Variants in PDE1A observed in about 807,000 individuals in gnomAD.
The protein encoded by PDE1A is dual specificity calcium/calmodulin-dependent 3',5'-cyclic nucleotide phosphodiesterase 1A.
Under a neutral mutation model 61.7 loss-of-function variants are expected in PDE1A, and 35 were observed. That is an observed-to-expected ratio of 0.57 (90% CI 0.43 to 0.75). The LOEUF is 0.75. Among genes scored for constraint, PDE1A ranks in the 30% least tolerant of loss-of-function variants. The pLI is 0.00. For missense variants in PDE1A, 597 were observed against 630.6 expected (o/e 0.95, Z 0.57); for synonymous variants, 232 against 213.2 (o/e 1.09, Z -0.77).
chr2:182,526,338 T>C (rs919113352), upstream of PDE1A, among the ~76,000 whole-genome samples: 1 of 152,148 alleles, frequency 6.6e-6, no homozygotes, highest in Non-Finnish European at 1.5e-5. Flanking sequence ...AAATTAGAAT[T>C]GTAAGGACAT....
chr2:182,213,140 C>T (rs1440553984), intron 7 of PDE1A, among the ~76,000 whole-genome samples: 3 of 150,236 alleles, frequency 2.0e-5, no homozygotes, highest in Non-Finnish European at 3.0e-5. Flanking sequence ...CTGGGAGGCA[C>T]CCCCCAGCAG....
intron 1 of PDE1A, among the ~76,000 whole-genome samples, chr2:182,299,851 G>A (rs1695127052): frequency 1.3e-5 from 2 of 152,108 alleles, no homozygotes; most frequent in Admixed American, 6.6e-5. Flanking sequence ...AGTCTGAAGG[G>A]ACCTTGATCA....
At chr2:182,387,179 C>T (rs1195161259) in intron 1 of PDE1A, among the ~76,000 whole-genome samples, 2 of 152,130 alleles carry the variant, frequency 1.3e-5, no homozygotes, top group African/African-American at 4.8e-5. Context: ...GGATTAAGGG[C>T]AGTGCAAGAT....
In PDE1A at chr2:182,406,409, C is replaced by T. The variant is rs527288722; in HGVS notation, c.53+20169G>A. Among the ~76,000 whole-genome samples the T allele has an allele frequency of 2.0e-5, 3 of 151,754 alleles. No individual in the cohort carries two copies. The South Asian group carries it at 6.3e-4, about 32-fold the overall frequency. On this transcript the variant is annotated intron_variant, in intron 1 of 13. Transcript: ENST00000351439. The stretch of plus-strand genomic sequence containing the variant: ...AAATGTAGATTTCCAGTAATACTAG[C>T]AGACCAAGCATGACACATTTTAGGC...
At chr2:182,147,681 A>G (rs1474841629) in intron 13 of PDE1A, among the ~76,000 whole-genome samples, 3 of 152,180 alleles carry the variant, frequency 2.0e-5, no homozygotes, top group African/African-American at 7.2e-5. Context: ...ATCTTTCAAC[A>G]TTTCTGGAGA....
the PDE1A span, among the ~76,000 whole-genome samples, chr2:182,634,972 A>G: frequency 6.6e-6 from 1 of 152,208 alleles, no homozygotes; most frequent in African/African-American, 2.4e-5. Flanking sequence ...CAATTATTAT[A>G]AGTAATGTCA....
intron 2 of PDE1A, among the ~76,000 whole-genome samples, chr2:182,253,968 G>C (rs1214477973): frequency 6.6e-6 from 1 of 151,880 alleles, no homozygotes; most frequent in African/African-American, 2.4e-5. Context: ...TGTTGCCTTG[G>C]ATGTAACTGT....
intron 1 of PDE1A, among the ~76,000 whole-genome samples, chr2:182,367,994 C>T (rs1256655002): frequency 2.0e-5 from 3 of 152,050 alleles, no homozygotes; most frequent in African/African-American, 7.2e-5. Flanking sequence ...ATTTAAAACA[C>T]ACACAAAAGG....
intron 7 of PDE1A, among the ~76,000 whole-genome samples, chr2:182,207,255 G>C (rs570318528): frequency 1.1e-4 from 16 of 152,184 alleles, no homozygotes; most frequent in Admixed American, 2.0e-4. Context: ...GGTTGAGGAC[G>C]TCTTAGGTAG....
At chr2:182,425,277 T>C (rs1454834841) in intron 1 of PDE1A, among the ~76,000 whole-genome samples, 2 of 152,212 alleles carry the variant, frequency 1.3e-5, no homozygotes, top group African/African-American at 4.8e-5. Context: ...TCTGGGCAAC[T>C]ATCATACCTT....
At chr2:182,189,880 T>G (rs758355673) in intron 10 of PDE1A, among the ~76,000 whole-genome samples, 4 of 152,226 alleles carry the variant, frequency 2.6e-5, no homozygotes, top group Non-Finnish European at 4.4e-5. Context: ...TTCCTTGTTC[T>G]TGTTCATTTC....
rs115407167 is a variant in PDE1A, at chr2:182,171,669, G to C, written c.1517-3379C>G. Among the ~76,000 whole-genome samples, 1,310 of 151,538 alleles carry C rather than the reference G, an allele frequency of 8.6e-3. 10 individuals carry two copies. Among genetic ancestry groups the C allele is most frequent in the Non-Finnish European group, 0.011 (745 of 67,832 alleles). On this transcript the variant is annotated intron_variant, in intron 13 of 13. Transcript: ENST00000351439. ...GCACTTGGAGCGGGGCTAATTATTG[G>C]GGGTATATAACAAAGTCTTGAGTCT...
chr2:182,555,932 A>C, the PDE1A span, among the ~76,000 whole-genome samples: 3 of 127,440 alleles, frequency 2.4e-5, no homozygotes, highest in African/African-American at 8.7e-5. Flanking sequence ...TCGCCACTGC[A>C]CTCCAGCCTG....
chr2:182,537,718 A>G, the PDE1A span, among the ~76,000 whole-genome samples: 1 of 152,066 alleles, frequency 6.6e-6, no homozygotes, highest in African/African-American at 2.4e-5. Context: ...AATTTCAAGC[A>G]GAGGGAGCAG....
intron 2 of PDE1A, among the ~76,000 whole-genome samples, chr2:182,506,538 T>C (rs1689422625): frequency 6.6e-6 from 1 of 152,248 alleles, no homozygotes; most frequent in Non-Finnish European, 1.5e-5. Context: ...TTCTTATCAT[T>C]TACTCCTTTG....
chr2:182,638,792 A>C, the PDE1A span, among the ~76,000 whole-genome samples: 1 of 152,226 alleles, frequency 6.6e-6, no homozygotes, highest in Non-Finnish European at 1.5e-5. Flanking sequence ...CTGGTAGGCT[A>C]GGGGCTCGCA....
At chr2:182,647,054 G>T in the PDE1A span, among the ~76,000 whole-genome samples, 1 of 152,176 alleles carries the variant, frequency 6.6e-6, no homozygotes, top group Non-Finnish European at 1.5e-5. Flanking sequence ...TTAAGAATTT[G>T]TTGGGAGTTT....
the PDE1A span, among the ~76,000 whole-genome samples, chr2:182,603,522 T>C: frequency 6.6e-6 from 1 of 152,140 alleles, no homozygotes; most frequent in African/African-American, 2.4e-5. Context: ...CTAATTTTGG[T>C]ATTTTTTAGT....
At chr2:182,451,580 AAATT>A (rs1370355307) in intron 2 of PDE1A, among the ~76,000 whole-genome samples, 2 of 152,066 alleles carry the variant, frequency 1.3e-5, no homozygotes, top group African/African-American at 4.8e-5. Flanking sequence ...TTTTTTATAA[AAATT>A]AATCTGAAAT....
Sources: allele counts gnomAD v4.1 joint callset (sites outside exome capture counted in the v4.1 genomes callset), GRCh38; gene constraint gnomAD v4.1.1; transcripts MANE v1.5; gene names NCBI Gene and HGNC (gene_info 2026-07-23, HGNC 2026-07-21).